GLP1R: variants seen among roughly 807,000 people sequenced by gnomAD.
GLP1R encodes glucagon like peptide 1 receptor.
A neutral mutation model predicts 68.4 loss-of-function variants in GLP1R; 32 were observed. That is an observed-to-expected ratio of 0.47 (90% CI 0.35 to 0.63). GLP1R has a LOEUF of 0.63. GLP1R is among the 20% of genes least tolerant of loss of function. The pLI is 0.00. For missense variants in GLP1R, 502 were observed against 594.9 expected (o/e 0.84, Z 1.62); for synonymous variants, 263 against 244.4 (o/e 1.08, Z -0.71).
intron 7 of GLP1R, among the ~76,000 whole-genome samples, chr6:39,074,970 G>C (rs901021672): frequency 2.0e-5 from 3 of 152,102 alleles, no homozygotes; most frequent in Non-Finnish European, 4.4e-5. Context: ...AGAGTAGCCT[G>C]AGAGATTTTA....
In GLP1R at chr6:39,072,917, C is replaced by T. The variant is rs10305474; in HGVS notation, c.565C>T (p.Leu189=). 2,722 of 1,614,062 alleles carry T rather than the reference C, an allele frequency of 1.7e-3. 35 individuals carry two copies. In the African/African-American group the frequency reaches 0.027, roughly 16 times the overall value. Residue 189 remains leucine (L), a synonymous_variant, in exon 6 of 13, where the codon CTG becomes TTG. Transcript: ENST00000373256. ...CCTGAACCTGTTTGCATCCTTCATC[C>T]TGCGAGCATTGTCCGTCTTCATCAA... ...IHLNLFASFI[L]RALSVFIKDA...
At chr6:39,069,569 TGA>T (rs1562011259) in intron 5 of GLP1R, among the ~76,000 whole-genome samples, 3 of 149,424 alleles carry the variant, frequency 2.0e-5, no homozygotes, top group East Asian at 2.0e-4. Context: ...GGAGGCGGAG[TGA>T]GCAGAGCAGT....
intron 12 of GLP1R, among the ~76,000 whole-genome samples, chr6:39,083,682 G>A (rs1243139779): frequency 3.3e-5 from 5 of 152,168 alleles, no homozygotes; most frequent in Non-Finnish European, 7.3e-5. Context: ...AGGTGAATGA[G>A]CTTCCCAATT....
intron 12 of GLP1R, among the ~76,000 whole-genome samples, chr6:39,081,400 G>T: frequency 6.6e-6 from 1 of 152,176 alleles, no homozygotes; most frequent in East Asian, 1.9e-4. Context: ...TGGGGAAGGG[G>T]GTGGCTTTCT....
chr6:39,048,906 C>T lies in GLP1R; in HGVS notation c.66C>T (p.Gly22=), dbSNP rs763865835. Residue 22 remains glycine, a synonymous_variant, in exon 1 of 13, where the codon GGC becomes GGT. Coordinates refer to ENST00000373256, the MANE Select transcript of GLP1R (RefSeq NM_002062.5). The part of the protein sequence containing the change: ...LLLLGMVGRA[G]PRPQGATVSL... ...TGCTCGGGATGGTGGGCAGGGCCGG[C>T]CCCCGCCCCCAGGTGAGATCCAGGG... 12 of 1,404,516 alleles carry T rather than the reference C, an allele frequency of 8.5e-6. No homozygotes were observed. The East Asian group carries it at 2.6e-4, about 30-fold the overall frequency. 87.0% of individuals were successfully genotyped at this position (1,404,516 alleles called of 1,614,324 possible).
At chr6:39,056,538 C>A (rs757920512) in intron 2 of GLP1R, 45 bp downstream of exon 2, 6 of 1,023,138 alleles carry the variant, frequency 5.9e-6, no homozygotes, top group Middle Eastern at 2.0e-4. Flanking sequence ...CCCACCCAAC[C>A]AACTTCTGGA....
chr6:39,063,393 C>T (rs1768397595), intron 3 of GLP1R, among the ~76,000 whole-genome samples: 1 of 152,198 alleles, frequency 6.6e-6, no homozygotes, highest in South Asian at 2.1e-4. Flanking sequence ...GACCACGTGC[C>T]TCCCCTTCTC....
chr6:39,085,320 A>G (rs2894420), intron 12 of GLP1R, among the ~76,000 whole-genome samples: 109,742 of 152,208 alleles, frequency 0.72, 41,112 homozygotes, highest in African/African-American at 0.92. Context: ...GTGTCTCTCT[A>G]GATGGCATCA....
chr6:39,084,975 G>A (rs1769107999), intron 12 of GLP1R, among the ~76,000 whole-genome samples: 2 of 152,104 alleles, frequency 1.3e-5, no homozygotes, highest in African/African-American at 2.4e-5. Flanking sequence ...GTGTGGGAAG[G>A]GTGGGGACTT....
Position 39,079,823 on chromosome 6 carries a change from C to A in GLP1R, c.1182+121C>A. ...CTGGGACCTGGAGGGGTGATCCCTG[C>A]CCAAAGTCACCTAGTTGGAGCAGAG... On this transcript the variant is annotated intron_variant, in intron 11 of 12. Coordinates refer to ENST00000373256, the MANE Select transcript of GLP1R (RefSeq NM_002062.5). This position sits in a 1 kb window ranked among gnomAD's most constrained non-coding sequence, Gnocchi z 4.5. 1 of 828,034 alleles carries A rather than the reference C, an allele frequency of 1.2e-6. No homozygotes were observed. The highest frequency in any genetic ancestry group is 1.9e-6 in the Non-Finnish European group (1 of 518,120). The allele number at this position is 828,034 out of a possible 1,614,324, so 51.3% of individuals were successfully genotyped here.
chr6:39,077,263 C>G (rs1032403980), intron 7 of GLP1R, among the ~76,000 whole-genome samples: 1 of 152,254 alleles, frequency 6.6e-6, no homozygotes, highest in Non-Finnish European at 1.5e-5. Context: ...TGTCCCTTCT[C>G]TCTGAGACCT....
intron 5 of GLP1R, 140 bp from the exon 6 acceptor site, chr6:39,072,722 A>C (rs894035149): frequency 4.4e-6 from 3 of 683,372 alleles, no homozygotes; most frequent in Non-Finnish European, 7.5e-6. Flanking sequence ...GATGAGGAAG[A>C]AGGGTATTCA....
intron 3 of GLP1R, among the ~76,000 whole-genome samples, chr6:39,061,037 A>G (rs551567996): frequency 7.2e-5 from 11 of 152,234 alleles, no homozygotes; most frequent in Non-Finnish European, 1.5e-4. Context: ...AGGCAGATGC[A>G]GAAGGGAAAA....
At chr6:39,074,212 C>T (rs180947004) in intron 7 of GLP1R, 324 of 159,892 alleles carry the variant, frequency 2.0e-3, no homozygotes, top group African/African-American at 7.4e-3. Context: ...TGTCACATGA[C>T]GATGAAGAGG....
Position 39,048,831 on chromosome 6 carries a change from A to G in GLP1R, c.-10A>G. ...GGTGGCAGCGATGGCCCAGTCCTGAACTCCCCGCCATGGCCGGCGCCCCCG... is the reference window on the plus strand; with the variant it reads ...GGTGGCAGCGATGGCCCAGTCCTGAGCTCCCCGCCATGGCCGGCGCCCCCG... On this transcript the variant is annotated 5_prime_UTR_variant, in exon 1 of 13. Transcript: ENST00000373256. 1 of 1,406,858 alleles carries G rather than the reference A, an allele frequency of 7.1e-7. No individual in the cohort carries two copies. The highest frequency in any genetic ancestry group is 9.6e-7 in the Non-Finnish European group (1 of 1,045,884). The allele number at this position is 1,406,858 out of a possible 1,614,324, so 87.1% of individuals were successfully genotyped here.
Position 39,065,847 on chromosome 6 carries a change from T to C in GLP1R, c.402+18T>C. On this transcript the variant is annotated intron_variant, in intron 4 of 12. Coordinates refer to ENST00000373256, the MANE Select transcript of GLP1R (RefSeq NM_002062.5). The stretch of plus-strand genomic sequence containing the variant: ...GGGAAAGAGTGAGTTGAGGCGGGGT[T>C]CTGAGCCAGGGAGCGGGGAGCCATG... 1 of 1,489,148 alleles carries C rather than the reference T, an allele frequency of 6.7e-7. No individual in the cohort carries two copies. 92.2% of individuals were successfully genotyped at this position (1,489,148 alleles called of 1,614,324 possible). A position where few individuals can be genotyped will look rare whatever the true frequency, so the allele number is the denominator to read the frequency against.
At position 39,082,938 on chromosome 6, in the gene GLP1R, G is replaced by A. The variant is rs545641463; in HGVS notation, c.1224+2199G>A. On this transcript the variant is annotated intron_variant, in intron 12 of 12. Coordinates refer to ENST00000373256, the MANE Select transcript of GLP1R (RefSeq NM_002062.5). ...GACACGTGTGCTTGGCTTCCCCCCC[G>A]CCATTGTGAACAGTCTCCCCTGACC... 2.6e-4 allele frequency among the ~76,000 whole-genome samples: 39 copies of A among 151,718 alleles called. 1 individual carries two copies. Among genetic ancestry groups the A allele is most frequent in the African/African-American group, 8.7e-4 (36 of 41,362 alleles).
chr6:39,087,668 C>T lies in GLP1R; in HGVS notation c.*1595C>T, dbSNP rs1157839514. 6.6e-6 allele frequency: 1 copy of T among 152,116 alleles called. No individual in the cohort carries two copies. Among genetic ancestry groups the T allele is most frequent in the East Asian group, 1.9e-4 (1 of 5,186 alleles). The allele number at this position is 152,116 out of a possible 1,614,324, so 9.4% of individuals were successfully genotyped here. On this transcript the variant is annotated 3_prime_UTR_variant, in exon 13 of 13. Coordinates refer to ENST00000373256, the MANE Select transcript of GLP1R (RefSeq NM_002062.5). The stretch of plus-strand genomic sequence containing the variant: ...TTTCCCCAGACACATTCTCCTGTGC[C>T]CCTCAGAGAGGCATGTGATGTGCAA...
At position 39,049,868 on chromosome 6, in the gene GLP1R, A is replaced by G. The variant is rs1420391994; in HGVS notation, c.78+950A>G. ...ACTTGCTTGAGCAGAGAGGAGACAT[A>G]GACTTGGGTGGCCTGTCCTGGGTCA... is the stretch of plus-strand genomic sequence containing the variant. On this transcript the variant is annotated intron_variant, in intron 1 of 12. Transcript: ENST00000373256. This position sits in a 1 kb window ranked among gnomAD's most constrained non-coding sequence, Gnocchi z 4.5. Among the ~76,000 whole-genome samples the G allele has an allele frequency of 6.6e-6, 1 of 152,166 alleles. No homozygotes were observed. Among genetic ancestry groups the G allele is most frequent in the Non-Finnish European group, 1.5e-5 (1 of 68,028 alleles).
Sources: gnomAD v4.1 joint callset for allele counts (sites outside exome capture counted in the v4.1 genomes callset) on GRCh38, gnomAD v4.1.1 for gene constraint, Gnocchi (gnomAD v3.1) non-coding constraint, MANE v1.5 for transcripts, NCBI Gene and HGNC (gene_info 2026-07-23, HGNC 2026-07-21) for gene names.